Variants in ADIPOR2 observed in about 807,000 individuals in gnomAD.
The protein encoded by ADIPOR2 is adiponectin receptor 2, also known as adiponectin receptor protein 2.
In ADIPOR2, 18 loss-of-function variants were observed where a neutral mutation model predicts 40.9. The observed-to-expected ratio is 0.44, with a 90% CI of 0.30 to 0.65. The LOEUF is 0.65. Among genes scored for constraint, ADIPOR2 ranks in the 30% least tolerant of loss-of-function variants. The pLI, the probability that ADIPOR2 is intolerant of heterozygous loss-of-function variation, is 0.09. For missense variants in ADIPOR2, 283 were observed against 479.2 expected, an observed-to-expected ratio of 0.59 and a Z score of 3.82; for synonymous variants, 165 against 166.4, an observed-to-expected ratio of 0.99 and a Z score of 0.06.
intron 1 of ADIPOR2, among the ~76,000 whole-genome samples, chr12:1,752,324 C>T (rs1241111235): frequency 6.8e-6 from 1 of 147,234 alleles, no homozygotes; most frequent in Non-Finnish European, 1.5e-5. Flanking sequence ...AACTCCCCCT[C>T]CCAGGCTCAA....
At chr12:1,762,061 T>C (rs570768360) in intron 2 of ADIPOR2, among the ~76,000 whole-genome samples, 90 of 152,330 alleles carry the variant, frequency 5.9e-4, no homozygotes, top group African/African-American at 2.1e-3. Context: ...TGGCCTTATT[T>C]CAGTTTCTTA....
chr12:1,731,356 C>T lies in ADIPOR2; in HGVS notation c.-86-22902C>T, dbSNP rs867412202. ...TTTTTTTAAATTGTGGGAAAATACA[C>T]GTAACATAAAATTTACTATATTAAC... On this transcript the variant is annotated intron_variant, in intron 1 of 7. Coordinates refer to ENST00000357103, the MANE Select transcript of ADIPOR2 (RefSeq NM_024551.3). Among the ~76,000 whole-genome samples, 9 of 152,246 alleles carry T rather than the reference C, an allele frequency of 5.9e-5. No individual in the cohort carries two copies. The South Asian group carries it at 6.2e-4, about 11-fold the overall frequency.
At chr12:1,709,505 AAAT>A (rs1460487911) in intron 1 of ADIPOR2, among the ~76,000 whole-genome samples, 4 of 152,210 alleles carry the variant, frequency 2.6e-5, no homozygotes, top group African/African-American at 9.6e-5. Context: ...TTTCTGGAGA[AAAT>A]AATCATCTAA....
chr12:1,755,481 C>T (rs990895063), intron 2 of ADIPOR2, among the ~76,000 whole-genome samples: 1 of 152,180 alleles, frequency 6.6e-6, no homozygotes, highest in African/African-American at 2.4e-5. Context: ...TTAGCTATGA[C>T]GTTATCTGTT....
chr12:1,698,599 C>T (rs1159397527), intron 1 of ADIPOR2, among the ~76,000 whole-genome samples: 2 of 152,032 alleles, frequency 1.3e-5, no homozygotes, highest in Non-Finnish European at 2.9e-5. Context: ...TAGTAGTTCT[C>T]TAGTGTAGTA....
At chr12:1,780,277 A>G (rs140917129) in intron 4 of ADIPOR2, 174 bp from the exon 5 acceptor site, 76 of 558,298 alleles carry the variant, frequency 1.4e-4, no homozygotes, top group East Asian at 4.4e-4. Context: ...GATACCAACA[A>G]TGTTGGAAGT....
At position 1,786,123 on chromosome 12, in the gene ADIPOR2, T is replaced by TG; in HGVS notation, c.*52dup. The TG allele has an allele frequency of 1.3e-6, 2 of 1,584,396 alleles. No individual in the cohort carries two copies. Among genetic ancestry groups the TG allele is most frequent in the East Asian group, 2.2e-5 (1 of 44,668 alleles). Reference sequence around the variant, plus strand: ...ACCCTAAACCAGGGCCTGCGGCACTTGCGGGCCTCCCTGCTGGCTACTGAT... The same window carrying TG: ...ACCCTAAACCAGGGCCTGCGGCACTTGGCGGGCCTCCCTGCTGGCTACTGAT... On this transcript the variant is annotated 3_prime_UTR_variant, in exon 8 of 8. Transcript: ENST00000357103.
intron 1 of ADIPOR2, among the ~76,000 whole-genome samples, chr12:1,729,036 G>A (rs1401455700): frequency 7.1e-6 from 1 of 141,108 alleles, no homozygotes; most frequent in Non-Finnish European, 1.5e-5. Flanking sequence ...TAATACTTTG[G>A]TTCTGTGTGC....
intron 6 of ADIPOR2, among the ~76,000 whole-genome samples, chr12:1,782,852 C>T (rs1273124024): frequency 3.9e-5 from 6 of 151,980 alleles, no homozygotes; most frequent in Admixed American, 3.9e-4. Context: ...CTCTCCCATC[C>T]CCCACCCCCA....
At chr12:1,722,728 G>A (rs930473939) in intron 1 of ADIPOR2, among the ~76,000 whole-genome samples, 2 of 152,160 alleles carry the variant, frequency 1.3e-5, no homozygotes, top group Non-Finnish European at 2.9e-5. Context: ...TTATTTGAGT[G>A]CATTCTAAAG....
At chr12:1,778,172 G>A (rs1326438671) in intron 4 of ADIPOR2, 147 bp downstream of exon 4, 1 of 924,152 alleles carries the variant, frequency 1.1e-6, no homozygotes, top group Non-Finnish European at 1.5e-6. Flanking sequence ...TTTCTGACTG[G>A]TTTACTCGTA....
intron 1 of ADIPOR2, 84 bp from the exon 2 acceptor site, chr12:1,754,174 C>G: frequency 2.0e-6 from 1 of 512,592 alleles, no homozygotes; most frequent in Non-Finnish European, 3.2e-6. Flanking sequence ...GCTGAGTATT[C>G]TGTCGTTTGG....
In ADIPOR2 at chr12:1,764,814, T is replaced by G. The variant is rs1193017686; in HGVS notation, c.172-8028T>G. Among the ~76,000 whole-genome samples the G allele has an allele frequency of 2.6e-5, 4 of 152,334 alleles. No individual in the cohort carries two copies. In the South Asian group the frequency reaches 6.2e-4, roughly 24 times the overall value. ...TCCATATGTACTCTTGTATCTGGCT[T>G]CTTTTGCTCAGTATGATGTTTGTGA... On this transcript the variant is annotated intron_variant, in intron 2 of 7. Coordinates refer to ENST00000357103, the MANE Select transcript of ADIPOR2 (RefSeq NM_024551.3).
intron 1 of ADIPOR2, among the ~76,000 whole-genome samples, chr12:1,749,468 A>T (rs1034232135): frequency 6.6e-6 from 1 of 152,262 alleles, no homozygotes; most frequent in African/African-American, 2.4e-5. Flanking sequence ...AGTTAAGGCC[A>T]GGAACCATGG....
chr12:1,755,165 T>TC (rs1862097854), intron 2 of ADIPOR2, among the ~76,000 whole-genome samples: 1 of 151,470 alleles, frequency 6.6e-6, no homozygotes, highest in African/African-American at 2.4e-5. Context: ...CTGCAACCTC[T>TC]ACCTTCCAGG....
chr12:1,699,909 G>A (rs773062649), intron 1 of ADIPOR2, among the ~76,000 whole-genome samples: 88 of 152,198 alleles, frequency 5.8e-4, no homozygotes, highest in Admixed American at 1.2e-3. Context: ...GGGGATATAT[G>A]TTGGCCAATG....
At chr12:1,729,949 G>A (rs534002887) in intron 1 of ADIPOR2, among the ~76,000 whole-genome samples, 1 of 152,200 alleles carries the variant, frequency 6.6e-6, no homozygotes, top group African/African-American at 2.4e-5. Flanking sequence ...TAGTGGTACT[G>A]TTTAATTATT....
intron 1 of ADIPOR2, among the ~76,000 whole-genome samples, chr12:1,691,631 T>G (rs531266155): frequency 6.6e-6 from 1 of 152,310 alleles, no homozygotes; most frequent in South Asian, 2.1e-4. Flanking sequence ...TGGGATGGGC[T>G]CTCTCAGCGC....
chr12:1,691,402 TG>T (rs2094626577), intron 1 of ADIPOR2, among the ~76,000 whole-genome samples: 1 of 152,142 alleles, frequency 6.6e-6, no homozygotes, highest in African/African-American at 2.4e-5. Flanking sequence ...GTCGGCCGTG[TG>T]GGGACCTGGA....
Sources: allele counts gnomAD v4.1 joint callset (sites outside exome capture counted in the v4.1 genomes callset), GRCh38; gene constraint gnomAD v4.1.1; transcripts MANE v1.5; gene names NCBI Gene and HGNC (gene_info 2026-07-23, HGNC 2026-07-21).